The following NLGN1 variants were observed in gnomAD, a reference collection of about 807,000 sequenced individuals.
The protein encoded by NLGN1 is neuroligin 1.
Under a neutral mutation model 65.5 loss-of-function variants are expected in NLGN1, and 12 were observed. That is an observed-to-expected ratio of 0.18 (90% CI 0.12 to 0.30). The LOEUF (loss-of-function observed/expected upper bound fraction) is 0.30, where lower values mean the gene tolerates loss of function less well. Among genes scored for constraint, NLGN1 ranks in the 10% least tolerant of loss-of-function variants. The probability of loss-of-function intolerance (pLI) is 1.00; values close to 1 mark genes in which losing one functional copy is unlikely to be tolerated. For synonymous variants in NLGN1, 350 were observed against 359.5 expected, an observed-to-expected ratio of 0.97 and a Z score of 0.30; for missense variants, 750 against 1,007.1, an observed-to-expected ratio of 0.74 and a Z score of 3.46.
intron 3 of NLGN1, among the ~76,000 whole-genome samples, chr3:173,747,801 C>CTTCTTCTTTTTTTT (rs1775714048): frequency 1.1e-4 from 7 of 64,424 alleles, no homozygotes; most frequent in African/African-American, 3.1e-4. Context: ...TCTTCTTGTT[C>CTTCTTCTTTTTTTT]TTTTTTTTTT....
intron 4 of NLGN1, among the ~76,000 whole-genome samples, chr3:174,178,863 G>C (rs1298738528): frequency 6.6e-6 from 1 of 152,040 alleles, no homozygotes; most frequent in African/African-American, 2.4e-5. Context: ...TAGATAATAA[G>C]GTGAAGATAT....
At chr3:173,955,938 T>C (rs1238493655) in intron 4 of NLGN1, among the ~76,000 whole-genome samples, 3 of 152,122 alleles carry the variant, frequency 2.0e-5, no homozygotes, top group Non-Finnish European at 4.4e-5. Flanking sequence ...CAAGAATACA[T>C]ATAGTTTAAC....
chr3:174,138,449 T>G (rs1438007223), intron 4 of NLGN1, among the ~76,000 whole-genome samples: 12 of 151,252 alleles, frequency 7.9e-5, no homozygotes, highest in Admixed American at 7.9e-4. Flanking sequence ...TTTTTTTTTT[T>G]TGTGAGACAG....
At chr3:174,188,473 A>C (rs917803595) in intron 4 of NLGN1, among the ~76,000 whole-genome samples, 1 of 151,996 alleles carries the variant, frequency 6.6e-6, no homozygotes, top group African/African-American at 2.4e-5. Flanking sequence ...TCCTCACAAT[A>C]ATCCTACTTA....
intron 4 of NLGN1, among the ~76,000 whole-genome samples, chr3:173,827,629 ATGTGTGTGTGTGTGTG>A (rs59670610): frequency 8.9e-5 from 13 of 146,884 alleles, no homozygotes; most frequent in Non-Finnish European, 1.8e-4. Context: ...TATTTATGAT[ATGTGTGTGTGTGTGTG>A]TGTGTGTGTG....
At chr3:174,199,669 T>C (rs2152772854) in intron 4 of NLGN1, among the ~76,000 whole-genome samples, 1 of 152,266 alleles carries the variant, frequency 6.6e-6, no homozygotes, top group Non-Finnish European at 1.5e-5. Context: ...TCCGAAAGGC[T>C]CAGGGAAAGA....
At chr3:173,637,757 G>T (rs1218357564) in intron 3 of NLGN1, among the ~76,000 whole-genome samples, 1 of 152,102 alleles carries the variant, frequency 6.6e-6, no homozygotes, top group African/African-American at 2.4e-5. Context: ...CATGGGCTAG[G>T]TATACTATCA....
chr3:174,002,191 G>A (rs1245032343), intron 4 of NLGN1, among the ~76,000 whole-genome samples: 1 of 151,996 alleles, frequency 6.6e-6, no homozygotes, highest in Non-Finnish European at 1.5e-5. Context: ...GCAGTGGCAC[G>A]ATCTCAGCTC....
chr3:173,485,116 C>CAAAA (rs58463042), intron 2 of NLGN1, among the ~76,000 whole-genome samples: 27 of 52,816 alleles, frequency 5.1e-4, no homozygotes, highest in Admixed American at 7.5e-4. Flanking sequence ...TGGCAGCAGG[C>CAAAA]AAAAAAAAAA....
intron 3 of NLGN1, among the ~76,000 whole-genome samples, chr3:173,746,242 A>G (rs928465564): frequency 6.6e-6 from 1 of 152,068 alleles, no homozygotes; most frequent in Non-Finnish European, 1.5e-5. Context: ...AGCCTGAGCA[A>G]CCTAGTGAGA....
intron 2 of NLGN1, among the ~76,000 whole-genome samples, chr3:173,540,162 C>T (rs1342254522): frequency 6.6e-6 from 1 of 151,998 alleles, no homozygotes. Context: ...ACTCCCAAAC[C>T]CTAAAGGCCT....
At chr3:173,568,742 C>T (rs909752085) in intron 2 of NLGN1, among the ~76,000 whole-genome samples, 2 of 152,122 alleles carry the variant, frequency 1.3e-5, no homozygotes, top group Admixed American at 6.5e-5. Flanking sequence ...TTGGCACTAT[C>T]GGCTCGCTGC....
At chr3:174,133,398 G>A (rs1026320392) in intron 4 of NLGN1, among the ~76,000 whole-genome samples, 6 of 151,886 alleles carry the variant, frequency 4.0e-5, no homozygotes, top group African/African-American at 1.2e-4. Context: ...TCTTTCCTTC[G>A]GGATCCATTC....
chr3:174,125,012 A>C (rs1718634746), intron 4 of NLGN1, among the ~76,000 whole-genome samples: 1 of 152,060 alleles, frequency 6.6e-6, no homozygotes, highest in Admixed American at 6.6e-5. Flanking sequence ...CTAGCTGCAG[A>C]ATATTGAGAG....
chr3:173,676,577 T>G (rs182823292), intron 3 of NLGN1, among the ~76,000 whole-genome samples: 130 of 152,302 alleles, frequency 8.5e-4, no homozygotes, highest in African/African-American at 2.9e-3. Flanking sequence ...ATACCTTTGA[T>G]GTACTTTTTG....
exon 7 of NLGN1, chr3:174,282,847 A>ATAGTT (rs1246259890): frequency 6.6e-6 from 1 of 152,004 alleles, no homozygotes; most frequent in Non-Finnish European, 1.5e-5. Context: ...AGCAATTTTG[A>ATAGTT]TAGTTTATAA....
intron 4 of NLGN1, among the ~76,000 whole-genome samples, chr3:174,093,717 T>C (rs374814821): frequency 2.6e-5 from 4 of 152,206 alleles, no homozygotes; most frequent in African/African-American, 7.2e-5. Context: ...CACATATAAT[T>C]ATTTTCTGCT....
At chr3:173,585,069 C>G (rs1449731623) in intron 2 of NLGN1, 1 of 152,158 alleles carries the variant, frequency 6.6e-6, no homozygotes, top group African/African-American at 2.4e-5. Flanking sequence ...GAGGGGGCTG[C>G]CAGGGTTTTG....
chr3:174,275,508 T>C (rs2152886529), exon 5 of NLGN1: 1 of 1,611,972 alleles, frequency 6.2e-7, no homozygotes, highest in East Asian at 2.2e-5. Flanking sequence ...AAGGTAACCG[T>C]TGGAGCAATT....
Sources: gnomAD v4.1 joint callset for allele counts (sites outside exome capture counted in the v4.1 genomes callset) on GRCh38, gnomAD v4.1.1 for gene constraint, MANE v1.5 for transcripts, NCBI Gene and HGNC (gene_info 2026-07-23, HGNC 2026-07-21) for gene names.